The following ST3GAL4 variants were observed in gnomAD, a reference collection of about 807,000 sequenced individuals.
ST3GAL4 encodes ST3 beta-galactoside alpha-2,3-sialyltransferase 4.
A neutral mutation model predicts 42.6 loss-of-function variants in ST3GAL4; 24 were observed. That is an observed-to-expected ratio of 0.56 (90% CI 0.41 to 0.79). The LOEUF (loss-of-function observed/expected upper bound fraction) is 0.79, where lower values mean the gene tolerates loss of function less well. Ranked by LOEUF, ST3GAL4 falls within the 30% of genes least tolerant of loss-of-function variation. The probability of loss-of-function intolerance (pLI) is 0.00; values close to 1 mark genes in which losing one functional copy is unlikely to be tolerated. For synonymous variants in ST3GAL4, 135 were observed against 163.2 expected, an observed-to-expected ratio of 0.83 and a Z score of 1.32; for missense variants, 311 against 430.8, an observed-to-expected ratio of 0.72 and a Z score of 2.46.
chr11:126,413,117 G>A (rs1954599597), intron 9 of ST3GAL4, among the ~76,000 whole-genome samples: 2 of 151,962 alleles, frequency 1.3e-5, no homozygotes, highest in African/African-American at 2.4e-5. Flanking sequence ...TTAGAGATGG[G>A]GGGGTCTCAC....
chr11:126,413,503 A>C lies in ST3GAL4; in HGVS notation c.772-2A>C. On this transcript the variant is annotated splice_acceptor_variant, in intron 9 of 10. Transcript: ENST00000444328. LOFTEE classifies it high-confidence loss of function. Reference sequence around the variant, plus strand: ...TAACACCCTCCTGCCCCTGTTCCTCAGAAGCCCACCACGGGCCTGTTGGCC... The same window carrying C: ...TAACACCCTCCTGCCCCTGTTCCTCCGAAGCCCACCACGGGCCTGTTGGCC... 1.2e-6 allele frequency: 2 copies of C among 1,613,988 alleles called. No homozygotes were observed. The highest frequency in any genetic ancestry group is 1.7e-6 in the Non-Finnish European group (2 of 1,179,964).
chr11:126,407,658 T>A, intron 6 of ST3GAL4, 24 bp downstream of exon 6: 2 of 1,613,058 alleles, frequency 1.2e-6, no homozygotes, highest in Non-Finnish European at 1.7e-6. Context: ...CCGACTCCAG[T>A]CTGGGCACCT....
In ST3GAL4 at chr11:126,409,170, C is replaced by G. The variant is rs778676114; in HGVS notation, c.628-98C>G. The G allele has an allele frequency of 6.7e-7, 1 of 1,493,296 alleles. No homozygotes were observed. The highest frequency in any genetic ancestry group is 1.4e-5 in the African/African-American group (1 of 72,056). The allele number at this position is 1,493,296 out of a possible 1,614,324, so 92.5% of individuals were successfully genotyped here. On this transcript the variant is annotated intron_variant, in intron 8 of 10. Transcript: ENST00000444328. The surrounding 1 kb of genome is among the most constrained non-coding windows in gnomAD (Gnocchi z 4.9). ...TTGTGCTCCTGAAGGCCTCTGCCAT[C>G]GCTTGGACCCCCTCGCCTCGCTGAG...
At position 126,398,858 on chromosome 11, in the gene ST3GAL4, G is replaced by A. The variant is rs1477035432; in HGVS notation, c.-60-7238G>A. On this transcript the variant is annotated intron_variant, in intron 1 of 10. Transcript: ENST00000444328. The surrounding 1 kb of genome is among the most constrained non-coding windows in gnomAD (Gnocchi z 4.7). ...ACCTGGGCCCATTTAAGCCATGGCT[G>A]GGGAGGCAGAGGAGCACTGTGCCCA... Among the ~76,000 whole-genome samples the A allele has an allele frequency of 6.6e-6, 1 of 152,164 alleles. No homozygotes were observed. Among genetic ancestry groups the A allele is most frequent in the Non-Finnish European group, 1.5e-5 (1 of 68,034 alleles).
chr11:126,364,903 A>G (rs1056886853), intron 1 of ST3GAL4, among the ~76,000 whole-genome samples: 3 of 151,336 alleles, frequency 2.0e-5, no homozygotes, highest in Non-Finnish European at 2.9e-5. Context: ...CTGACCCTGC[A>G]GCTGTCCAAA....
intron 1 of ST3GAL4, among the ~76,000 whole-genome samples, chr11:126,389,764 T>TTTATTTTG (rs1392776540): frequency 1.3e-5 from 2 of 152,086 alleles, no homozygotes; most frequent in African/African-American, 4.8e-5. Context: ...TTTTTATTTT[T>TTTATTTTG]TAAATAAAGA....
At chr11:126,408,217 A>G (rs1157282834) in intron 7 of ST3GAL4, 23 bp downstream of exon 7, 3 of 1,613,420 alleles carry the variant, frequency 1.9e-6, no homozygotes, top group Non-Finnish European at 2.5e-6. Flanking sequence ...GTCTCTTCCT[A>G]CTGTTGTTTG....
intron 1 of ST3GAL4, among the ~76,000 whole-genome samples, chr11:126,357,943 C>T (rs879783058): frequency 1.3e-5 from 2 of 152,226 alleles, no homozygotes; most frequent in Non-Finnish European, 2.9e-5. Context: ...CAAATGTTTC[C>T]GTGCCTGCCA....
chr11:126,407,330 C>G lies in ST3GAL4; in HGVS notation c.261C>G (p.Pro87=), dbSNP rs982742496. The G allele has an allele frequency of 3.7e-6, 6 of 1,614,080 alleles. No individual in the cohort carries two copies. In the African/African-American group the frequency reaches 8.0e-5, roughly 22 times the overall value. The stretch of plus-strand genomic sequence containing the variant: ...AGACGCCATCTGCTTACGAGCTGCC[C>G]TATGGGACCAAGGGGAGTGGTAAGT... ...WVKTPSAYEL[P]YGTKGSEDLL... is the part of the protein sequence containing the mutation. The change falls in exon 5 of 11, where the codon CCC becomes CCG. Residue 87 remains proline, a synonymous_variant. Coordinates refer to ENST00000444328, the MANE Select transcript of ST3GAL4 (RefSeq NM_001254757.2).
chr11:126,407,686 C>CCACACGCTCACAACCCCTGCTGT, intron 6 of ST3GAL4, 52 bp downstream of exon 6: 1 of 1,578,872 alleles, frequency 6.3e-7, no homozygotes. Flanking sequence ...TTTCCTGCCC[C>CCACACGCTCACAACCCCTGCTGT]CTGCCCGCTC....
chr11:126,381,421 A>G (rs1441415812), intron 1 of ST3GAL4, among the ~76,000 whole-genome samples: 3 of 151,682 alleles, frequency 2.0e-5, no homozygotes, highest in Non-Finnish European at 4.4e-5. Context: ...AGCCCCTTAC[A>G]TAACCAGGGG....
rs143278560 is a variant in ST3GAL4 at position 126,414,062 on chromosome 11, G to C, written c.*15G>C. ...CGTCCTTCTGACCTGGGCAAGAGCT[G>C]TAGCCTGTCGGTTGCCTACTCTGCT... is the stretch of plus-strand genomic sequence containing the variant. On this transcript the variant is annotated 3_prime_UTR_variant, in exon 11 of 11. Transcript: ENST00000444328. 495 of 1,613,932 alleles carry C rather than the reference G, an allele frequency of 3.1e-4. 7 individuals are homozygous for C. The East Asian group carries it at 0.011, about 36-fold the overall frequency.
At position 126,410,513 on chromosome 11, in the gene ST3GAL4, T is replaced by C. The variant is rs1346889453; in HGVS notation, c.771+1102T>C. On this transcript the variant is annotated intron_variant, in intron 9 of 10. Coordinates refer to ENST00000444328, the MANE Select transcript of ST3GAL4 (RefSeq NM_001254757.2). This position sits in a 1 kb window ranked among gnomAD's most constrained non-coding sequence, Gnocchi z 5.3. The stretch of plus-strand genomic sequence containing the variant: ...TGGTGGGATAATATCCATAATGACC[T>C]TTTAAGGCTGTTGTAGGAGTTTGAA... 6.6e-6 allele frequency among the ~76,000 whole-genome samples: 1 copy of C among 152,188 alleles called. No individual in the cohort carries two copies. Among genetic ancestry groups the C allele is most frequent in the Non-Finnish European group, 1.5e-5 (1 of 68,028 alleles).
chr11:126,378,118 G>A lies in ST3GAL4; in HGVS notation c.-61+22276G>A, dbSNP rs1952885848. Among the ~76,000 whole-genome samples the A allele has an allele frequency of 6.6e-6, 1 of 152,102 alleles. No individual in the cohort carries two copies. The highest frequency in any genetic ancestry group is 6.6e-5 in the Admixed American group (1 of 15,266). On this transcript the variant is annotated intron_variant, in intron 1 of 10. Transcript: ENST00000444328. The surrounding 1 kb of genome is among the most constrained non-coding windows in gnomAD (Gnocchi z 5.3). ...TATGGCAATTGAAGAGTCATATCTA[G>A]TCATTTTAGGTAGAAGATAGCCCAC...
At position 126,409,453 on chromosome 11, in the gene ST3GAL4, G is replaced by A. The variant is rs780030222; in HGVS notation, c.771+42G>A. On this transcript the variant is annotated intron_variant, in intron 9 of 10. Transcript: ENST00000444328. The surrounding 1 kb of genome is among the most constrained non-coding windows in gnomAD (Gnocchi z 4.9). ...AGGCCTGAGGGCTAGGATCCTGGGC[G>A]GGAAGTAGGAGGGATGATCCTATGG... is the stretch of plus-strand genomic sequence containing the variant. 9.9e-6 allele frequency: 16 copies of A among 1,613,462 alleles called. No homozygotes were observed. The highest frequency in any genetic ancestry group is 2.7e-5 in the African/African-American group (2 of 75,032).
Position 126,384,795 on chromosome 11 carries a change from C to T in ST3GAL4, c.-60-21301C>T. 1.0e-6 allele frequency: 1 copy of T among 985,420 alleles called. No individual in the cohort carries two copies. The highest frequency in any genetic ancestry group is 1.2e-6 in the Non-Finnish European group (1 of 829,930). 61.0% of individuals were successfully genotyped at this position (985,420 alleles called of 1,614,324 possible). On this transcript the variant is annotated intron_variant, in intron 1 of 10. Transcript: ENST00000444328. This position sits in a 1 kb window ranked among gnomAD's most constrained non-coding sequence, Gnocchi z 5.5. ...GGACAGAGTGGGAGTGGCAGTGCCTCTGCCTGTCTCCCTGGCCGTGGCAGG... is the reference window on the plus strand; with the variant it reads ...GGACAGAGTGGGAGTGGCAGTGCCTTTGCCTGTCTCCCTGGCCGTGGCAGG...
intron 1 of ST3GAL4, among the ~76,000 whole-genome samples, chr11:126,404,352 C>CTGA (rs1439227316): frequency 6.6e-6 from 1 of 152,186 alleles, no homozygotes; most frequent in Admixed American, 6.5e-5. Flanking sequence ...GGTAACCAAC[C>CTGA]TGATATGCAT....
intron 1 of ST3GAL4, among the ~76,000 whole-genome samples, chr11:126,357,180 C>G (rs975928120): frequency 2.6e-5 from 4 of 152,118 alleles, no homozygotes; most frequent in East Asian, 1.9e-4. Flanking sequence ...GCCCCTTGAC[C>G]GTTCCCTGCC....
Position 126,407,712 on chromosome 11 carries a change from C to T in ST3GAL4, c.341+78C>T, listed in dbSNP as rs1007880390. 2.4e-5 allele frequency: 33 copies of T among 1,398,772 alleles called. No individual in the cohort carries two copies. The Middle Eastern group carries it at 7.2e-4, about 30-fold the overall frequency. 86.6% of individuals were successfully genotyped at this position (1,398,772 alleles called of 1,614,324 possible). A position where few individuals can be genotyped will look rare whatever the true frequency, so the allele number is the denominator to read the frequency against. Reference sequence around the variant, plus strand: ...CTGCCCGCTCCCCCCACTCCCCACCCCCCCGCTCTGTGAAACAGTCATGGA... The same window carrying T: ...CTGCCCGCTCCCCCCACTCCCCACCTCCCCGCTCTGTGAAACAGTCATGGA... On this transcript the variant is annotated intron_variant, in intron 6 of 10. Coordinates refer to ENST00000444328, the MANE Select transcript of ST3GAL4 (RefSeq NM_001254757.2).
Sources: allele counts gnomAD v4.1 joint callset (sites outside exome capture counted in the v4.1 genomes callset), GRCh38; gene constraint gnomAD v4.1.1; non-coding constraint Gnocchi (gnomAD v3.1); transcripts MANE v1.5; gene names NCBI Gene and HGNC (gene_info 2026-07-23, HGNC 2026-07-21).